Variants in PPP2R1A observed in about 807,000 individuals in gnomAD.
PPP2R1A encodes the protein serine/threonine-protein phosphatase 2A 65 kDa regulatory subunit A alpha isoform.
Under a neutral mutation model 67.1 loss-of-function variants are expected in PPP2R1A, and 15 were observed. That is an observed-to-expected ratio of 0.22 (90% CI 0.15 to 0.34). PPP2R1A has a LOEUF of 0.34. PPP2R1A is among the 10% of genes least tolerant of loss of function. The pLI, the probability that PPP2R1A is intolerant of heterozygous loss-of-function variation, is 1.00. For missense variants in PPP2R1A, 369 were observed against 775.0 expected (o/e 0.48, Z 6.22); for synonymous variants, 337 against 325.0 (o/e 1.04, Z -0.40).
In PPP2R1A at chr19:52,226,545, A is replaced by T. The variant is rs10414852; in HGVS notation, c.*564A>T. Reference sequence around the variant, plus strand: ...TTATACCCCTATGTCCCGAAAGAATACTCTGGGGATCCCCCCAGGAGTGCT... The same window carrying T: ...TTATACCCCTATGTCCCGAAAGAATTCTCTGGGGATCCCCCCAGGAGTGCT... On this transcript the variant is annotated 3_prime_UTR_variant, in exon 15 of 15. Coordinates refer to ENST00000322088, the MANE Select transcript of PPP2R1A (RefSeq NM_014225.6). The T allele has an allele frequency of 0.15, 30,201 of 204,562 alleles. 2,972 individuals carry two copies. The highest frequency in any genetic ancestry group is 0.3 in the African/African-American group (13,166 of 43,576). The allele number at this position is 204,562 out of a possible 1,614,324, so 12.7% of individuals were successfully genotyped here.
At position 52,226,294 on chromosome 19, in the gene PPP2R1A, C is replaced by G; in HGVS notation, c.*313C>G. ...CCTGCTGCTGTAATGGGAACCCCTC[C>G]CCCATTTACTTCTCCACCTCCCGTC... On this transcript the variant is annotated 3_prime_UTR_variant, in exon 15 of 15. Coordinates refer to ENST00000322088, the MANE Select transcript of PPP2R1A (RefSeq NM_014225.6). The G allele has an allele frequency of 2.3e-6, 1 of 441,798 alleles. No individual in the cohort carries two copies. Among genetic ancestry groups the G allele is most frequent in the Non-Finnish European group, 4.0e-6 (1 of 249,142 alleles). 27.4% of individuals were successfully genotyped at this position (441,798 alleles called of 1,614,324 possible).
intron 3 of PPP2R1A, among the ~76,000 whole-genome samples, chr19:52,207,905 C>T (rs774166019): frequency 6.6e-5 from 10 of 152,034 alleles, no homozygotes; most frequent in African/African-American, 1.7e-4. Flanking sequence ...CCAGGGAAGG[C>T]GCCTAACCTG....
intron 1 of PPP2R1A, among the ~76,000 whole-genome samples, chr19:52,197,799 G>C (rs16983548): frequency 0.15 from 22,355 of 152,184 alleles, 1,698 homozygotes; most frequent in African/African-American, 0.17. Context: ...ATGCAGTTAA[G>C]CTCCCTGTGC....
Position 52,212,051 on chromosome 19 carries a change from T to G in PPP2R1A, c.503+559T>G, listed in dbSNP as rs1243170173. The stretch of plus-strand genomic sequence containing the variant: ...TTGCTGCTGAAAAATAAAGCCTTTC[T>G]GTGGCTCTAGACCTGCCTCTTAGTT... On this transcript the variant is annotated intron_variant, in intron 4 of 14. Transcript: ENST00000322088. The surrounding 1 kb of genome is among the most constrained non-coding windows in gnomAD (Gnocchi z 4.1). Among the ~76,000 whole-genome samples the G allele has an allele frequency of 6.6e-6, 1 of 152,234 alleles. No individual in the cohort carries two copies. The highest frequency in any genetic ancestry group is 6.5e-5 in the Admixed American group (1 of 15,284).
rs1319132864 is a variant in PPP2R1A at position 52,228,334 on chromosome 19, A to T, written c.*2353A>T. The T allele has an allele frequency of 1.3e-5, 2 of 152,328 alleles. No individual in the cohort carries two copies. The highest frequency in any genetic ancestry group is 3.9e-4 in the East Asian group (2 of 5,176). 9.4% of individuals were successfully genotyped at this position (152,328 alleles called of 1,614,324 possible). A position where few individuals can be genotyped will look rare whatever the true frequency, so the allele number is the denominator to read the frequency against. ...GTTATTGAACGCTGGCAGAGTCCTG[A>T]GTTAACCAGGAGTTGCCTGGTGTCT... is the stretch of plus-strand genomic sequence containing the variant. On this transcript the variant is annotated 3_prime_UTR_variant, in exon 15 of 15. Transcript: ENST00000322088.
rs540665342 is a variant in PPP2R1A at position 52,190,260 on chromosome 19, C to T, written c.78+86C>T. On this transcript the variant is annotated intron_variant, in intron 1 of 14. Coordinates refer to ENST00000322088, the MANE Select transcript of PPP2R1A (RefSeq NM_014225.6). ...CCTCGCGGAGAAGACTCAGCGTTCGCTGGGAGTGGCGGAAGGGGGCGACGG... is the reference window on the plus strand; with the variant it reads ...CCTCGCGGAGAAGACTCAGCGTTCGTTGGGAGTGGCGGAAGGGGGCGACGG... 13 of 1,456,678 alleles carry T rather than the reference C, an allele frequency of 8.9e-6. No individual in the cohort carries two copies. In the African/African-American group the frequency reaches 1.6e-4, roughly 17 times the overall value. The allele number at this position is 1,456,678 out of a possible 1,614,324, so 90.2% of individuals were successfully genotyped here. A position where few individuals can be genotyped will look rare whatever the true frequency, so the allele number is the denominator to read the frequency against.
At chr19:52,223,114 C>T (rs1409016666) in intron 13 of PPP2R1A, among the ~76,000 whole-genome samples, 2 of 152,150 alleles carry the variant, frequency 1.3e-5, no homozygotes, top group African/African-American at 2.4e-5. Flanking sequence ...ATCAAGGGTA[C>T]AGAAACAGTC....
intron 2 of PPP2R1A, 137 bp downstream of exon 2, chr19:52,202,171 G>T: frequency 1.4e-6 from 1 of 713,524 alleles, no homozygotes; most frequent in Non-Finnish European, 2.3e-6. Flanking sequence ...GTGGGAAAAG[G>T]GATTCAGAGA....
chr19:52,190,243 A>C, intron 1 of PPP2R1A, 69 bp downstream of exon 1: 3 of 1,505,412 alleles, frequency 2.0e-6, no homozygotes, highest in Non-Finnish European at 2.7e-6. Flanking sequence ...GCCCTCGCGG[A>C]GAAGACTCAG....
At chr19:52,225,905 T>G (rs928771755) in intron 14 of PPP2R1A, 60 bp from the exon 15 acceptor site, 5 of 1,613,960 alleles carry the variant, frequency 3.1e-6, no homozygotes, top group Non-Finnish European at 4.2e-6. Flanking sequence ...GGAGGTACCT[T>G]GGCATTGTGG....
chr19:52,198,560 G>C (rs1286595337), intron 1 of PPP2R1A, among the ~76,000 whole-genome samples: 1 of 152,162 alleles, frequency 6.6e-6, no homozygotes. Context: ...AGGTGCATAG[G>C]GTGAGCTATG....
rs371104302 is a variant in PPP2R1A at position 52,223,406 on chromosome 19, G to A, written c.1661+1165G>A. ...TGGGTAAGTTGACCTTCTGTAAAAT[G>A]TAACGCTGTTTCTCAAAAGACAGCA... On this transcript the variant is annotated intron_variant, in intron 13 of 14. Coordinates refer to ENST00000322088, the MANE Select transcript of PPP2R1A (RefSeq NM_014225.6). 2.0e-5 allele frequency among the ~76,000 whole-genome samples: 3 copies of A among 152,326 alleles called. No individual in the cohort carries two copies. In the South Asian group the frequency reaches 6.2e-4, roughly 32 times the overall value.
Position 52,226,245 on chromosome 19 carries a change from T to G in PPP2R1A, c.*264T>G. 3 of 544,110 alleles carry G rather than the reference T, an allele frequency of 5.5e-6. No homozygotes were observed. The highest frequency in any genetic ancestry group is 9.7e-6 in the Non-Finnish European group (3 of 307,968). The allele number at this position is 544,110 out of a possible 1,614,324, so 33.7% of individuals were successfully genotyped here. A position where few individuals can be genotyped will look rare whatever the true frequency, so the allele number is the denominator to read the frequency against. ...CTACTCCGCCCACGTCAGGGAGAGA[T>G]GTGAGCATCCCGGGTCACTGGATCC... On this transcript the variant is annotated 3_prime_UTR_variant, in exon 15 of 15. Transcript: ENST00000322088.
intron 9 of PPP2R1A, among the ~76,000 whole-genome samples, chr19:52,217,428 G>C (rs927594281): frequency 6.6e-5 from 10 of 152,186 alleles, no homozygotes; most frequent in Admixed American, 6.5e-4. Context: ...TTGAACTCCT[G>C]ATCTCAAGCA....
rs188859421 is a variant in PPP2R1A at position 52,201,534 on chromosome 19, G to A, written c.79-410G>A. On this transcript the variant is annotated intron_variant, in intron 1 of 14. Coordinates refer to ENST00000322088, the MANE Select transcript of PPP2R1A (RefSeq NM_014225.6). ...TGCAGGTGTGTGGATGTGTTTAGCC[G>A]AGGACCGGGCACAGAGGAAGCGTGT... 770 of 174,044 alleles carry A rather than the reference G, an allele frequency of 4.4e-3. 16 individuals carry two copies. The highest frequency in any genetic ancestry group is 3.4e-3 in the Non-Finnish European group (272 of 79,368). 10.8% of individuals were successfully genotyped at this position (174,044 alleles called of 1,614,324 possible).
At chr19:52,222,886 A>C (rs1164449699) in intron 13 of PPP2R1A, among the ~76,000 whole-genome samples, 4 of 152,232 alleles carry the variant, frequency 2.6e-5, no homozygotes, top group African/African-American at 9.6e-5. Context: ...AAAAAAATTA[A>C]AGCAGACCTA....
At chr19:52,220,759 A>T (rs1447329294) in intron 11 of PPP2R1A, among the ~76,000 whole-genome samples, 1 of 152,212 alleles carries the variant, frequency 6.6e-6, no homozygotes, top group Non-Finnish European at 1.5e-5. Flanking sequence ...AAATGAAGCC[A>T]GTAGTGGAAC....
chr19:52,211,400 C>A lies in PPP2R1A; in HGVS notation c.411C>A (p.Gly137=). Reference sequence around the variant, plus strand: ...TGCCGCTAGTGAAGCGGCTGGCGGGCGGCGACTGGTTCACCTCCCGCACCT... The same window carrying A: ...TGCCGCTAGTGAAGCGGCTGGCGGGAGGCGACTGGTTCACCTCCCGCACCT... ...HFVPLVKRLA[G]GDWFTSRTSA... The change falls in exon 4 of 15, where the codon GGC becomes GGA. Residue 137 remains glycine (G), a synonymous_variant. Transcript: ENST00000322088. The surrounding 1 kb of genome is among the most constrained non-coding windows in gnomAD (Gnocchi z 5.3). The A allele has an allele frequency of 6.2e-7, 1 of 1,613,332 alleles. No individual in the cohort carries two copies. The highest frequency in any genetic ancestry group is 1.1e-5 in the South Asian group (1 of 91,064).
chr19:52,219,845 C>T lies in PPP2R1A; in HGVS notation c.1283C>T (p.Pro428Leu). The change falls in exon 10 of 15, where the codon CCC becomes CTC. Residue 428 changes from proline to leucine, a missense_variant. Physicochemically the swap from Pro to Leu is moderately conservative, Grantham distance 98 (BLOSUM62 -3). This residue lies in a region of PPP2R1A where 276 missense variants were observed against 508.4 expected (regional missense o/e 0.54). Transcript: ENST00000322088. The surrounding 1 kb of genome is among the most constrained non-coding windows in gnomAD (Gnocchi z 4.0). ...RVRLAIIEYM[P>L]LLAGQLGVEF... ...CGGCTGGCCATCATTGAGTACATGC[C>T]CCTCCTGGCTGGACAGCTGGTGAGT... is the stretch of plus-strand genomic sequence containing the variant. 6.2e-7 allele frequency: 1 copy of T among 1,611,770 alleles called. No individual in the cohort carries two copies. Among genetic ancestry groups the T allele is most frequent in the Non-Finnish European group, 8.5e-7 (1 of 1,179,668 alleles).
Sources: allele counts gnomAD v4.1 joint callset (sites outside exome capture counted in the v4.1 genomes callset), GRCh38; gene constraint gnomAD v4.1.1; regional missense constraint gnomAD v4.1.1; non-coding constraint Gnocchi (gnomAD v3.1); transcripts MANE v1.5; gene names NCBI Gene and HGNC (gene_info 2026-07-23, HGNC 2026-07-21).